Variants in NFKB1 observed in about 807,000 individuals in gnomAD.
NFKB1 encodes the protein nuclear factor NF-kappa-B p105 subunit.
In NFKB1, 9 loss-of-function variants were observed where a neutral mutation model predicts 105.1. The ratio of observed to expected loss-of-function variants is 0.09; its 90% confidence interval spans 0.05 to 0.15. NFKB1 has a LOEUF of 0.15. Ranked by LOEUF, NFKB1 falls within the 10% of genes least tolerant of loss-of-function variation. The probability of loss-of-function intolerance (pLI) is 1.00; values close to 1 mark genes in which losing one functional copy is unlikely to be tolerated. For missense variants in NFKB1, 830 were observed against 1,203.7 expected, an observed-to-expected ratio of 0.69 and a Z score of 4.59; for synonymous variants, 440 against 442.2, an observed-to-expected ratio of 1.00 and a Z score of 0.06.
At chr4:102,560,772 G>A (rs1723360945) in intron 5 of NFKB1, among the ~76,000 whole-genome samples, 2 of 152,172 alleles carry the variant, frequency 1.3e-5, no homozygotes. Flanking sequence ...CAAAATAGGG[G>A]TAATAGAGTC....
intron 2 of NFKB1, among the ~76,000 whole-genome samples, chr4:102,525,786 C>T (rs1578721425): frequency 6.6e-6 from 1 of 152,148 alleles, no homozygotes; most frequent in African/African-American, 2.4e-5. Flanking sequence ...GTATATGCTA[C>T]AGGATAGCTA....
chr4:102,523,421 A>G (rs539941809), intron 1 of NFKB1, among the ~76,000 whole-genome samples: 5 of 152,272 alleles, frequency 3.3e-5, no homozygotes, highest in African/African-American at 7.2e-5. Flanking sequence ...TAGAATGCTC[A>G]TCAGCTTTCT....
intron 19 of NFKB1, among the ~76,000 whole-genome samples, chr4:102,610,130 C>A (rs1378991850): frequency 6.6e-6 from 1 of 152,222 alleles, no homozygotes; most frequent in Non-Finnish European, 1.5e-5. Flanking sequence ...AGACATCAAG[C>A]ATCTTTGCTC....
chr4:102,556,482 T>C (rs534961901), intron 5 of NFKB1, among the ~76,000 whole-genome samples: 7 of 151,998 alleles, frequency 4.6e-5, no homozygotes, highest in African/African-American at 1.7e-4. Context: ...AAGCAGCCAG[T>C]GAAATGGGGA....
At chr4:102,603,857 G>A (rs1274574526) in intron 16 of NFKB1, among the ~76,000 whole-genome samples, 1 of 152,020 alleles carries the variant, frequency 6.6e-6, no homozygotes, top group Admixed American at 6.5e-5. Flanking sequence ...ACTCAAAATA[G>A]TCCAAGTGCA....
At chr4:102,542,465 G>A (rs981995161) in intron 5 of NFKB1, among the ~76,000 whole-genome samples, 2 of 151,554 alleles carry the variant, frequency 1.3e-5, no homozygotes, top group Admixed American at 6.6e-5. Context: ...AATTTAATAG[G>A]TATTAGCATC....
At chr4:102,540,783 A>AT (rs376845889) in intron 5 of NFKB1, among the ~76,000 whole-genome samples, 38 of 149,898 alleles carry the variant, frequency 2.5e-4, no homozygotes, top group African/African-American at 6.6e-4. Context: ...ACGGCCAGGT[A>AT]TTTTTTTTTT....
rs1728627623 is a variant in NFKB1, at chr4:102,613,442, C to G, written c.2610C>G (p.Val870=). The G allele has an allele frequency of 6.2e-7, 1 of 1,613,782 alleles. No individual in the cohort carries two copies. The highest frequency in any genetic ancestry group is 8.5e-7 in the Non-Finnish European group (1 of 1,179,954). Residue 870 remains valine (V), a synonymous_variant, in exon 23 of 24, where the codon GTC becomes GTG. Transcript: ENST00000226574. ...TCTCACAGGTCTCTGGGGGTACAGT[C>G]AGAGAGCTGGTGGAGGCCCTGAGAC... The part of the protein sequence containing the change: ...MDNYEVSGGT[V]RELVEALRQM...
At chr4:102,595,034 A>G in intron 13 of NFKB1, 53 bp downstream of exon 13, 1 of 1,262,340 alleles carries the variant, frequency 7.9e-7, no homozygotes, top group South Asian at 1.3e-5. Context: ...AATTAATGCT[A>G]AAAAGGGTTT....
chr4:102,581,989 T>G (rs975389108), intron 9 of NFKB1, among the ~76,000 whole-genome samples: 1 of 152,174 alleles, frequency 6.6e-6, no homozygotes, highest in Admixed American at 6.5e-5. Context: ...AAGTCAATAG[T>G]GTGGCCCTTT....
chr4:102,567,826 A>G (rs1724001094), intron 6 of NFKB1, among the ~76,000 whole-genome samples: 1 of 152,216 alleles, frequency 6.6e-6, no homozygotes, highest in Non-Finnish European at 1.5e-5. Flanking sequence ...TGTGCTAAAA[A>G]ACTTGTATTT....
chr4:102,525,305 A>G (rs1320556205), intron 1 of NFKB1, among the ~76,000 whole-genome samples: 2 of 152,168 alleles, frequency 1.3e-5, no homozygotes. Flanking sequence ...CGTAAGTGGT[A>G]ATTCCTAGAT....
chr4:102,574,764 G>A (rs1326227309), intron 6 of NFKB1, among the ~76,000 whole-genome samples: 2 of 152,134 alleles, frequency 1.3e-5, no homozygotes, highest in Non-Finnish European at 2.9e-5. Flanking sequence ...GTTCAAACCA[G>A]TCTGTTTTAC....
At chr4:102,576,575 T>A (rs1263572566) in intron 6 of NFKB1, among the ~76,000 whole-genome samples, 1 of 152,194 alleles carries the variant, frequency 6.6e-6, no homozygotes, top group Non-Finnish European at 1.5e-5. Flanking sequence ...TTTATAGTCT[T>A]TATTTTTCCA....
At chr4:102,579,189 G>C in intron 8 of NFKB1, 150 bp downstream of exon 8, 1 of 740,750 alleles carries the variant, frequency 1.3e-6, no homozygotes, top group Middle Eastern at 4.0e-4. Flanking sequence ...GGAAAATCTA[G>C]CTTGAAAGGT....
At chr4:102,575,081 G>A (rs1354398005) in intron 6 of NFKB1, among the ~76,000 whole-genome samples, 1 of 152,150 alleles carries the variant, frequency 6.6e-6, no homozygotes, top group Non-Finnish European at 1.5e-5. Flanking sequence ...ATGCTTCTAT[G>A]CATATAAGTA....
At chr4:102,588,986 C>T (rs1367577686) in intron 11 of NFKB1, among the ~76,000 whole-genome samples, 2 of 152,112 alleles carry the variant, frequency 1.3e-5, no homozygotes, top group Admixed American at 6.6e-5. Context: ...GATAAATGAT[C>T]CCTTGAATAT....
Position 102,611,989 on chromosome 4 carries a change from T to C in NFKB1, c.2353-55T>C, listed in dbSNP as rs1377737252. The C allele has an allele frequency of 3.6e-6, 5 of 1,404,324 alleles. No homozygotes were observed. The Admixed American group carries it at 8.5e-5, about 24-fold the overall frequency. 87.0% of individuals were successfully genotyped at this position (1,404,324 alleles called of 1,614,324 possible). A position where few individuals can be genotyped will look rare whatever the true frequency, so the allele number is the denominator to read the frequency against. The stretch of plus-strand genomic sequence containing the variant: ...AGTTGTTTATTATAAAGAAACAGAC[T>C]GCCCTAGTGGTCCCTTCGATGTATA... On this transcript the variant is annotated intron_variant, in intron 20 of 23. Coordinates refer to ENST00000226574, the MANE Select transcript of NFKB1 (RefSeq NM_003998.4).
At chr4:102,583,604 T>C (rs1253146472) in intron 10 of NFKB1, among the ~76,000 whole-genome samples, 1 of 152,198 alleles carries the variant, frequency 6.6e-6, no homozygotes, top group Non-Finnish European at 1.5e-5. Flanking sequence ...CTAATTATGA[T>C]AACACCTTAA....
Sources: gnomAD v4.1 joint callset for allele counts (sites outside exome capture counted in the v4.1 genomes callset) on GRCh38, gnomAD v4.1.1 for gene constraint, MANE v1.5 for transcripts, NCBI Gene and HGNC (gene_info 2026-07-23, HGNC 2026-07-21) for gene names.